The following EML6 variants were observed in gnomAD, a reference collection of about 807,000 sequenced individuals.
The protein encoded by EML6 is EMAP like 6, also known as echinoderm microtubule-associated protein-like 6.
Under a neutral mutation model 240.1 loss-of-function variants are expected in EML6, and 154 were observed. That is an observed-to-expected ratio of 0.64 (90% CI 0.56 to 0.73). The LOEUF (loss-of-function observed/expected upper bound fraction) is 0.73, where lower values mean the gene tolerates loss of function less well. Ranked by LOEUF, EML6 falls within the 30% of genes least tolerant of loss-of-function variation. The pLI is 0.00. For synonymous variants in EML6, 1,148 were observed against 899.0 expected, an observed-to-expected ratio of 1.28 and a Z score of -4.95; for missense variants, 2,964 against 2,474.6, an observed-to-expected ratio of 1.20 and a Z score of -4.20.
At chr2:54,957,267 T>C (rs1037738339) in intron 32 of EML6, among the ~76,000 whole-genome samples, 1 of 141,862 alleles carries the variant, frequency 7.0e-6, no homozygotes, top group African/African-American at 2.7e-5. Flanking sequence ...GGAAAAATAG[T>C]ACTTAAAAGG....
intron 2 of EML6, among the ~76,000 whole-genome samples, chr2:54,797,177 A>AAAAAAC (rs1553380376): frequency 7.5e-6 from 1 of 132,686 alleles, no homozygotes. Flanking sequence ...AAAAAAAAAA[A>AAAAAAC]AAAAAAAAAA....
At chr2:54,968,403 A>T in intron 40 of EML6, 122 bp downstream of exon 40, 1 of 970,640 alleles carries the variant, frequency 1.0e-6, no homozygotes, top group Admixed American at 2.4e-5. Flanking sequence ...TACAGTGGAA[A>T]TATGGCAATG....
At chr2:54,812,295 A>G (rs1372845783) in intron 2 of EML6, among the ~76,000 whole-genome samples, 2 of 149,506 alleles carry the variant, frequency 1.3e-5, no homozygotes, top group Non-Finnish European at 1.5e-5. Flanking sequence ...CAGAACATAT[A>G]CTCTCATTAA....
chr2:54,959,925 A>T (rs1413160550), intron 34 of EML6, among the ~76,000 whole-genome samples: 2 of 152,198 alleles, frequency 1.3e-5, no homozygotes, highest in African/African-American at 4.8e-5. Context: ...CAGGAGAAAC[A>T]TTTCTGTGTT....
rs1669991216 is a variant in EML6, at chr2:54,850,093, G to T, written c.1319G>T (p.Arg440Met). 1 of 1,551,978 alleles carries T rather than the reference G, an allele frequency of 6.4e-7. No individual in the cohort carries two copies. Among genetic ancestry groups the T allele is most frequent in the Non-Finnish European group, 8.7e-7 (1 of 1,147,074 alleles). ...GTAGATGTCTATGCTGTTGCCCAGA[G>T]GTATAAGAAAATTGGAGAATGCAGC... is the stretch of plus-strand genomic sequence containing the variant. ...GPVDVYAVAQ[R>M]YKKIGECSKS... The change falls in exon 10 of 42, where the codon AGG becomes ATG. Residue 440 changes from arginine (R) to methionine (M), a missense_variant. Physicochemically the swap from Arg to Met is moderately conservative, Grantham distance 91 (BLOSUM62 -1). Transcript: ENST00000356458.
At chr2:54,843,572 T>C (rs533012222) in intron 7 of EML6, among the ~76,000 whole-genome samples, 3 of 151,250 alleles carry the variant, frequency 2.0e-5, no homozygotes, top group South Asian at 2.1e-4. Flanking sequence ...GGGCTGGGCG[T>C]GGTGGCTCAT....
chr2:54,845,058 T>C (rs1002762030), intron 8 of EML6, among the ~76,000 whole-genome samples: 2 of 152,226 alleles, frequency 1.3e-5, no homozygotes, highest in Admixed American at 1.3e-4. Flanking sequence ...TTTTGATAGC[T>C]AATATAGAAC....
At chr2:54,874,338 C>A (rs1671399685) in intron 16 of EML6, among the ~76,000 whole-genome samples, 1 of 152,208 alleles carries the variant, frequency 6.6e-6, no homozygotes, top group Non-Finnish European at 1.5e-5. Flanking sequence ...GTAGAGAAAT[C>A]AGATACTCTG....
At chr2:54,909,202 A>G (rs959349400) in intron 24 of EML6, among the ~76,000 whole-genome samples, 1 of 152,238 alleles carries the variant, frequency 6.6e-6, no homozygotes, top group Non-Finnish European at 1.5e-5. Flanking sequence ...ATAACCGTCC[A>G]CGTGCTTTGT....
intron 2 of EML6, among the ~76,000 whole-genome samples, chr2:54,799,095 C>T (rs1669973415): frequency 6.6e-6 from 1 of 152,076 alleles, no homozygotes; most frequent in South Asian, 2.1e-4. Flanking sequence ...GAGTCTTGTT[C>T]TGTCTCCCAG....
At chr2:54,947,513 G>A (rs1368770985) in intron 28 of EML6, among the ~76,000 whole-genome samples, 6 of 152,026 alleles carry the variant, frequency 3.9e-5, no homozygotes, top group African/African-American at 1.2e-4. Context: ...AAGAACCCCC[G>A]CAAGCCATTC....
At chr2:54,768,892 A>T (rs1472144183) in intron 2 of EML6, among the ~76,000 whole-genome samples, 2 of 152,162 alleles carry the variant, frequency 1.3e-5, no homozygotes, top group Non-Finnish European at 2.9e-5. Flanking sequence ...TGTAAATCCC[A>T]ATCTATGATT....
chr2:54,912,465 G>T (rs1024804996), intron 25 of EML6, among the ~76,000 whole-genome samples: 3 of 152,108 alleles, frequency 2.0e-5, no homozygotes, highest in African/African-American at 7.2e-5. Flanking sequence ...TGTTTCATGG[G>T]TCTGTTGTAT....
chr2:54,859,785 A>G, intron 12 of EML6, 84 bp downstream of exon 12: 1 of 1,201,996 alleles, frequency 8.3e-7, no homozygotes, highest in Non-Finnish European at 1.1e-6. Flanking sequence ...TCTATAGGTA[A>G]AGGATTTAAG....
In EML6 at chr2:54,859,609, T is replaced by C. The variant is rs1573016668; in HGVS notation, c.1733T>C (p.Val578Ala). The C allele has an allele frequency of 6.4e-7, 1 of 1,551,462 alleles. No individual in the cohort carries two copies. Among genetic ancestry groups the C allele is most frequent in the East Asian group, 2.4e-5 (1 of 40,920 alleles). ...CGCTGGTCCCATGACTTTCAGTGGG[T>C]GTTGAGCACAGGAGGGGCTGATCAC... ...NVRWSHDFQW[V>A]LSTGGADHSV... The change falls in exon 12 of 42, where the codon GTG (valine) becomes GCG (alanine). Residue 578 changes from valine to alanine, a missense_variant. Coordinates refer to ENST00000356458, the MANE Select transcript of EML6 (RefSeq NM_001039753.4).
At chr2:54,891,724 CTTA>C (rs1456566624) in intron 18 of EML6, among the ~76,000 whole-genome samples, 1 of 152,164 alleles carries the variant, frequency 6.6e-6, no homozygotes, top group Non-Finnish European at 1.5e-5. Flanking sequence ...CAAGCCCTAA[CTTA>C]TTATGCACAA....
chr2:54,819,600 A>G (rs1668233742), intron 4 of EML6, among the ~76,000 whole-genome samples: 1 of 151,936 alleles, frequency 6.6e-6, no homozygotes, highest in Non-Finnish European at 1.5e-5. Context: ...ACATGGTGAA[A>G]CCCCGTCTCT....
intron 2 of EML6, among the ~76,000 whole-genome samples, chr2:54,789,543 A>AAAAAAAAG (rs1669308341): frequency 1.1e-4 from 16 of 145,732 alleles, no homozygotes; most frequent in Non-Finnish European, 2.1e-4. Context: ...AAAAAAAAAA[A>AAAAAAAAG]AAAAAGAAAA....
intron 31 of EML6, among the ~76,000 whole-genome samples, chr2:54,953,686 A>C (rs1218197923): frequency 6.6e-6 from 1 of 152,140 alleles, no homozygotes; most frequent in Non-Finnish European, 1.5e-5. Context: ...CAGGAGTTTG[A>C]GACCAGCCTG....
Sources: allele counts gnomAD v4.1 joint callset (sites outside exome capture counted in the v4.1 genomes callset), GRCh38; gene constraint gnomAD v4.1.1; transcripts MANE v1.5; gene names NCBI Gene and HGNC (gene_info 2026-07-23, HGNC 2026-07-21).